Variants in GAS7 observed in about 807,000 individuals in gnomAD.
GAS7 encodes the protein growth arrest specific 7, also known as growth arrest-specific protein 7.
Under a neutral mutation model 71.1 loss-of-function variants are expected in GAS7, and 28 were observed. The observed-to-expected ratio is 0.39, with a 90% CI of 0.29 to 0.54. The LOEUF is 0.54. GAS7 is among the 20% of genes least tolerant of loss of function. GAS7 has a pLI of 0.62. For missense variants in GAS7, 436 were observed against 627.8 expected (o/e 0.69, Z 3.27); for synonymous variants, 258 against 245.8 (o/e 1.05, Z -0.46).
chr17:10,126,398 A>T, intron 1 of GAS7, among the ~76,000 whole-genome samples: 1 of 148,094 alleles, frequency 6.8e-6, no homozygotes, highest in Non-Finnish European at 1.5e-5. Flanking sequence ...GCACATGCAC[A>T]CACAAACGTG....
chr17:9,920,901 T>C (rs1324840904), intron 11 of GAS7, among the ~76,000 whole-genome samples: 3 of 152,194 alleles, frequency 2.0e-5, no homozygotes, highest in Non-Finnish European at 2.9e-5. Context: ...GTATCATCAT[T>C]GTGGCTCATA....
chr17:10,005,241 G>A (rs539704167), intron 2 of GAS7, among the ~76,000 whole-genome samples: 28,611 of 148,172 alleles, frequency 0.19, 4,621 homozygotes, highest in African/African-American at 0.45. Flanking sequence ...GTATGTGCGC[G>A]CATGCATGTG....
chr17:9,963,082 G>A (rs2069565801), intron 4 of GAS7, among the ~76,000 whole-genome samples: 1 of 151,158 alleles, frequency 6.6e-6, no homozygotes, highest in Non-Finnish European at 1.5e-5. Flanking sequence ...ATTGAGTGTA[G>A]AGGCAACGAG....
In GAS7 at chr17:9,913,193, G is replaced by A. The variant is rs1232881894; in HGVS notation, c.*4035C>T. On this transcript the variant is annotated 3_prime_UTR_variant, in exon 14 of 14. Coordinates refer to ENST00000432992, the MANE Select transcript of GAS7 (RefSeq NM_201433.2). ...TGTCAATCATACCTCAATAAACCTG[G>A]GAAAAGGTGGTGGCGATGGGCCTTG... The A allele has an allele frequency of 8.6e-6, 2 of 232,276 alleles. No homozygotes were observed. Among genetic ancestry groups the A allele is most frequent in the African/African-American group, 2.2e-5 (1 of 45,266 alleles). The allele number at this position is 232,276 out of a possible 1,614,324, so 14.4% of individuals were successfully genotyped here.
intron 3 of GAS7, among the ~76,000 whole-genome samples, chr17:9,973,774 C>T (rs1343936485): frequency 6.6e-6 from 1 of 152,222 alleles, no homozygotes; most frequent in Non-Finnish European, 1.5e-5. Context: ...TGCATAGAAA[C>T]ATGTGGCAGG....
intron 9 of GAS7, among the ~76,000 whole-genome samples, chr17:9,927,825 T>C (rs2068064663): frequency 6.6e-6 from 1 of 152,184 alleles, no homozygotes; most frequent in Admixed American, 6.5e-5. Context: ...TGGTGGGAAC[T>C]GTTGGAGACC....
chr17:10,090,116 C>G (rs551305433), intron 1 of GAS7, among the ~76,000 whole-genome samples: 6 of 151,912 alleles, frequency 3.9e-5, no homozygotes, highest in African/African-American at 1.5e-4. Flanking sequence ...TTGCAGTGAG[C>G]CGAGATCGTG....
chr17:9,941,397 T>C (rs868528047), intron 7 of GAS7, among the ~76,000 whole-genome samples: 4 of 152,224 alleles, frequency 2.6e-5, no homozygotes, highest in Admixed American at 6.5e-5. Context: ...GTGCATACGC[T>C]GTCTGCCTCC....
At chr17:10,133,122 A>ATATATATATATTT (rs1392845338) in intron 1 of GAS7, among the ~76,000 whole-genome samples, 2 of 118,922 alleles carry the variant, frequency 1.7e-5, no homozygotes, top group African/African-American at 6.0e-5. Flanking sequence ...ATATTTTTAT[A>ATATATATATATTT]TTTTTTTTTT....
intron 1 of GAS7, among the ~76,000 whole-genome samples, chr17:10,123,964 C>T (rs2073924578): frequency 6.6e-6 from 1 of 152,244 alleles, no homozygotes; most frequent in East Asian, 1.9e-4. Context: ...CAGCCAGGGC[C>T]CACTCATGCC....
chr17:9,972,648 T>C (rs2152121756), intron 3 of GAS7, among the ~76,000 whole-genome samples: 1 of 152,300 alleles, frequency 6.6e-6, no homozygotes, highest in South Asian at 2.1e-4. Flanking sequence ...TTGGTCACAT[T>C]TAAGCCACAA....
intron 1 of GAS7, among the ~76,000 whole-genome samples, chr17:10,046,212 G>A (rs951629065): frequency 2.0e-5 from 3 of 152,064 alleles, no homozygotes; most frequent in Non-Finnish European, 2.9e-5. Context: ...GGTACCCGGC[G>A]TGTGACTGAA....
rs371578025 is a variant in GAS7, at chr17:10,197,908, C to T, written c.183+300G>A. Among the ~76,000 whole-genome samples the T allele has an allele frequency of 3.9e-3, 591 of 152,338 alleles. 5 individuals are homozygous for T. The highest frequency in any genetic ancestry group is 0.013 in the African/African-American group (561 of 41,592). The stretch of plus-strand genomic sequence containing the variant: ...CCTGCCACTGCCGGGAACGCTCCCG[C>T]CTGCTCCTTAACTCACACAGGCAAC... On this transcript the variant is annotated intron_variant, in intron 1 of 13. Transcript: ENST00000432992.
intron 1 of GAS7, among the ~76,000 whole-genome samples, chr17:10,126,450 G>A (rs1023821163): frequency 1.4e-4 from 21 of 146,622 alleles, no homozygotes; most frequent in African/African-American, 3.0e-4. Context: ...ACACGCGCGC[G>A]CGCACACGCA....
chr17:9,937,886 C>T (rs1309752522), intron 8 of GAS7, among the ~76,000 whole-genome samples: 2 of 152,188 alleles, frequency 1.3e-5, no homozygotes, highest in African/African-American at 2.4e-5. Context: ...TCAACTCTAA[C>T]CTCCTGAGAG....
At chr17:9,986,176 G>C (rs2070641846) in intron 2 of GAS7, among the ~76,000 whole-genome samples, 1 of 152,182 alleles carries the variant, frequency 6.6e-6, no homozygotes, top group Non-Finnish European at 1.5e-5. Flanking sequence ...GCACAAGAGA[G>C]ATTCCCACCT....
intron 1 of GAS7, among the ~76,000 whole-genome samples, chr17:10,064,115 G>A (rs1024767877): frequency 3.3e-5 from 5 of 152,174 alleles, no homozygotes; most frequent in Admixed American, 2.0e-4. Flanking sequence ...TCCCAGCAGC[G>A]GCGGCTGCTG....
intron 1 of GAS7, among the ~76,000 whole-genome samples, chr17:10,171,687 G>A (rs945413476): frequency 3.3e-5 from 5 of 152,198 alleles, no homozygotes; most frequent in Non-Finnish European, 7.3e-5. Flanking sequence ...CCGTGTAAGG[G>A]ACGGGTGAAG....
In GAS7 at chr17:9,910,924, A is replaced by T. The variant is rs2067419760; in HGVS notation, c.*6304T>A. 3 of 231,388 alleles carry T rather than the reference A, an allele frequency of 1.3e-5. No homozygotes were observed. The South Asian group carries it at 5.4e-4, about 42-fold the overall frequency. The allele number at this position is 231,388 out of a possible 1,614,324, so 14.3% of individuals were successfully genotyped here. The stretch of plus-strand genomic sequence containing the variant: ...CTGGCGGGAGACACGGCTCTTTAAC[A>T]TGAAAAATGTATAAAGTATTTAGCA... On this transcript the variant is annotated 3_prime_UTR_variant, in exon 14 of 14. Transcript: ENST00000432992.
Sources: allele counts gnomAD v4.1 joint callset (sites outside exome capture counted in the v4.1 genomes callset), GRCh38; gene constraint gnomAD v4.1.1; transcripts MANE v1.5; gene names NCBI Gene and HGNC (gene_info 2026-07-23, HGNC 2026-07-21).